The following FAM163B variants were observed in gnomAD, a reference collection of about 807,000 sequenced individuals.
The protein encoded by FAM163B is protein FAM163B.
FAM163B carries 4 observed loss-of-function variants against 7.6 expected under a neutral mutation model. The ratio of observed to expected loss-of-function variants is 0.52; its 90% CI spans 0.26 to 1.20. FAM163B has a LOEUF of 1.20. Ranked by LOEUF, FAM163B falls within the 50% of genes most tolerant of loss-of-function variation. FAM163B has a pLI of 0.14. For synonymous variants in FAM163B, 120 were observed against 111.6 expected, an observed-to-expected ratio of 1.07 and a Z score of -0.47; for missense variants, 250 against 243.0, an observed-to-expected ratio of 1.03 and a Z score of -0.19.
intron 1 of FAM163B, among the ~76,000 whole-genome samples, chr9:133,603,069 C>T (rs552503812): frequency 7.9e-5 from 12 of 152,292 alleles, no homozygotes; most frequent in African/African-American, 2.2e-4. Context: ...GGCAGGTGCT[C>T]GCCTTCGGAT....
rs1245829127 is a variant in FAM163B at position 133,606,938 on chromosome 9, C to A, written c.-24+2139G>T. On this transcript the variant is annotated intron_variant, in intron 1 of 2. Transcript: ENST00000673969. The surrounding 1 kb of genome is among the most constrained non-coding windows in gnomAD (Gnocchi z 4.0). The stretch of plus-strand genomic sequence containing the variant: ...AGGAGTGGGTCTCCATGCTGTGAAG[C>A]CTCACCCAGAACCAGCACCAGAAAA... 1.3e-5 allele frequency among the ~76,000 whole-genome samples: 2 copies of A among 152,214 alleles called. No individual in the cohort carries two copies. The highest frequency in any genetic ancestry group is 4.8e-5 in the African/African-American group (2 of 41,444).
intron 1 of FAM163B, among the ~76,000 whole-genome samples, chr9:133,598,463 A>G (rs1199755223): frequency 6.6e-6 from 1 of 151,906 alleles, no homozygotes; most frequent in Non-Finnish European, 1.5e-5. Context: ...TTAGCTGTTC[A>G]CAAGGTTACA....
chr9:133,586,567 C>G (rs1831441600), intron 1 of FAM163B, among the ~76,000 whole-genome samples: 1 of 152,314 alleles, frequency 6.6e-6, no homozygotes, highest in Non-Finnish European at 1.5e-5. Flanking sequence ...AGCTGGAGAG[C>G]CCCCTGGGGT....
chr9:133,579,232 G>C lies in FAM163B; in HGVS notation c.291C>G (p.Cys97Trp), dbSNP rs1321039462. 4 of 1,611,830 alleles carry C rather than the reference G, an allele frequency of 2.5e-6. No individual in the cohort carries two copies. Among genetic ancestry groups the C allele is most frequent in the Non-Finnish European group, 3.4e-6 (4 of 1,179,758 alleles). ...CCTGCAGGAAGAAGGTGGGGGGCTC[G>C]CAGTGGGAGCAGCTGCGGCAGAGGG... Reference protein sequence around the residue: ...ARALCRSCSHCEPPTFFLQEP... With the variant: ...ARALCRSCSHWEPPTFFLQEP... Residue 97 changes from cysteine (C) to tryptophan (W), a missense_variant, in exon 3 of 3, where the codon TGC becomes TGG. Cys to Trp is a radical substitution (Grantham distance 215). Transcript: ENST00000673969.
intron 1 of FAM163B, among the ~76,000 whole-genome samples, chr9:133,585,324 C>A (rs1319454113): frequency 6.6e-6 from 1 of 152,220 alleles, no homozygotes; most frequent in African/African-American, 2.4e-5. Flanking sequence ...TGGCAGGAGA[C>A]CCCCTGCTAA....
At chr9:133,596,933 T>A (rs1299021001) in intron 1 of FAM163B, among the ~76,000 whole-genome samples, 1 of 152,226 alleles carries the variant, frequency 6.6e-6, no homozygotes, top group Non-Finnish European at 1.5e-5. Flanking sequence ...CATGAAGCAC[T>A]GGGTAGAGCT....
intron 1 of FAM163B, among the ~76,000 whole-genome samples, chr9:133,592,776 G>A (rs966017200): frequency 2.0e-5 from 3 of 152,126 alleles, no homozygotes; most frequent in Non-Finnish European, 2.9e-5. Flanking sequence ...CCAGGCCGGC[G>A]GGGGGGTCAG....
chr9:133,580,119 G>A lies in FAM163B; in HGVS notation c.93+12C>T, dbSNP rs1422116335. 2.2e-5 allele frequency: 36 copies of A among 1,608,478 alleles called. No individual in the cohort carries two copies. Among genetic ancestry groups the A allele is most frequent in the African/African-American group, 1.2e-4 (9 of 74,876 alleles). On this transcript the variant is annotated intron_variant, in intron 2 of 2. Coordinates refer to ENST00000673969, the MANE Select transcript of FAM163B (RefSeq NM_001080515.3). The stretch of plus-strand genomic sequence containing the variant: ...TCCCTGCCCTGTCCCCTTCCCCGCC[G>A]CCCGGGAATACCTGGAGCCGGCAGT...
intron 1 of FAM163B, among the ~76,000 whole-genome samples, chr9:133,608,453 C>G (rs1001362479): frequency 3.4e-5 from 5 of 146,044 alleles, no homozygotes; most frequent in African/African-American, 1.2e-4. Flanking sequence ...TTAGGCAACC[C>G]CCCACCTGTC....
At chr9:133,598,932 C>T (rs1395829695) in intron 1 of FAM163B, among the ~76,000 whole-genome samples, 1 of 152,108 alleles carries the variant, frequency 6.6e-6, no homozygotes, top group Non-Finnish European at 1.5e-5. Context: ...GAGATCCCTG[C>T]CCTCATCAGG....
intron 1 of FAM163B, among the ~76,000 whole-genome samples, chr9:133,607,763 G>T (rs2131267427): frequency 6.6e-6 from 1 of 152,318 alleles, no homozygotes; most frequent in Non-Finnish European, 1.5e-5. Flanking sequence ...CTGCCAGCAA[G>T]TGCAAGACCG....
At chr9:133,583,109 G>A (rs1831380673) in intron 1 of FAM163B, among the ~76,000 whole-genome samples, 1 of 152,244 alleles carries the variant, frequency 6.6e-6, no homozygotes, top group Admixed American at 6.5e-5. Context: ...CAGCTTGGGA[G>A]GGGTTGAGGG....
At chr9:133,581,203 T>C (rs1831351025) in intron 1 of FAM163B, among the ~76,000 whole-genome samples, 1 of 152,224 alleles carries the variant, frequency 6.6e-6, no homozygotes, top group African/African-American at 2.4e-5. Context: ...AGCACCCGGC[T>C]GGGAGCATTT....
rs943570168 is a variant in FAM163B, at chr9:133,580,854, C to T, written c.-23-608G>A. ...GCTTAGTAGCATGAATTATATTTCA[C>T]ACTGTTGGGCAACTAATCTCCAGAA... On this transcript the variant is annotated intron_variant, in intron 1 of 2. Coordinates refer to ENST00000673969, the MANE Select transcript of FAM163B (RefSeq NM_001080515.3). Among the ~76,000 whole-genome samples the T allele has an allele frequency of 5.3e-5, 8 of 152,236 alleles. No individual in the cohort carries two copies. The South Asian group carries it at 1.7e-3, about 32-fold the overall frequency.
rs1039654927 is a variant in FAM163B at position 133,577,109 on chromosome 9, T to C, written c.*1913A>G. Among the ~76,000 whole-genome samples, 10 of 152,208 alleles carry C rather than the reference T, an allele frequency of 6.6e-5. No homozygotes were observed. The highest frequency in any genetic ancestry group is 2.4e-4 in the African/African-American group (10 of 41,452). On this transcript the variant is annotated 3_prime_UTR_variant, in exon 3 of 3. Coordinates refer to ENST00000673969, the MANE Select transcript of FAM163B (RefSeq NM_001080515.3). ...GGGAGATGTTTTATTGGCTTTCACT[T>C]TCCTCAGGGAGCCAGCGGCTCCCCC...
In FAM163B at chr9:133,583,570, C is replaced by T. The variant is rs1041202393; in HGVS notation, c.-23-3324G>A. 2.6e-5 allele frequency among the ~76,000 whole-genome samples: 4 copies of T among 152,332 alleles called. No homozygotes were observed. In the East Asian group the frequency reaches 5.8e-4, roughly 22 times the overall value. The stretch of plus-strand genomic sequence containing the variant: ...CTGTGCTGATGTTAGGACCGTGTCC[C>T]TCCCTGGGTCTGAGTCCTTCATCGG... On this transcript the variant is annotated intron_variant, in intron 1 of 2. Coordinates refer to ENST00000673969, the MANE Select transcript of FAM163B (RefSeq NM_001080515.3).
At chr9:133,603,902 T>C (rs1831759865) in intron 1 of FAM163B, among the ~76,000 whole-genome samples, 1 of 152,190 alleles carries the variant, frequency 6.6e-6, no homozygotes, top group African/African-American at 2.4e-5. Flanking sequence ...TGCAGTGGTG[T>C]GATCTTGGCT....
In FAM163B at chr9:133,587,287, T is replaced by A. The variant is rs1287427466; in HGVS notation, c.-23-7041A>T. Reference sequence around the variant, plus strand: ...CATGGTGCAGAGCTGGGAAGGGGAGTCGAGGGGTGTTGTGGACCAGGAGGA... The same window carrying A: ...CATGGTGCAGAGCTGGGAAGGGGAGACGAGGGGTGTTGTGGACCAGGAGGA... On this transcript the variant is annotated intron_variant, in intron 1 of 2. Coordinates refer to ENST00000673969, the MANE Select transcript of FAM163B (RefSeq NM_001080515.3). Among the ~76,000 whole-genome samples the A allele has an allele frequency of 2.0e-5, 3 of 151,404 alleles. No individual in the cohort carries two copies. The East Asian group carries it at 5.9e-4, about 30-fold the overall frequency.
intron 1 of FAM163B, among the ~76,000 whole-genome samples, chr9:133,588,580 G>A (rs1477939307): frequency 3.7e-5 from 2 of 53,912 alleles, no homozygotes; most frequent in Non-Finnish European, 8.5e-5. Flanking sequence ...TTAGCATGCT[G>A]AGGGATCTAG....
Sources: gnomAD v4.1 joint callset for allele counts (sites outside exome capture counted in the v4.1 genomes callset) on GRCh38, gnomAD v4.1.1 for gene constraint, Gnocchi (gnomAD v3.1) non-coding constraint, MANE v1.5 for transcripts, NCBI Gene and HGNC (gene_info 2026-07-23, HGNC 2026-07-21) for gene names.